Variants in CELF2 observed in about 807,000 individuals in gnomAD.
The protein encoded by CELF2 is CUG triplet repeat RNA-binding protein 2.
In CELF2, 8 loss-of-function variants were observed where a neutral mutation model predicts 62.6. The ratio of observed to expected loss-of-function variants is 0.13; its 90% confidence interval spans 0.07 to 0.23. CELF2 has a LOEUF of 0.23. CELF2 is among the 10% of genes least tolerant of loss of function. The probability of loss-of-function intolerance (pLI) is 1.00; values close to 1 mark genes in which losing one functional copy is unlikely to be tolerated. For missense variants in CELF2, 333 were observed against 671.0 expected (o/e 0.50, Z 5.56); for synonymous variants, 258 against 250.0 (o/e 1.03, Z -0.30).
At position 11,284,239 on chromosome 10, in the gene CELF2, AGGG is replaced by A. The variant is rs1565761162; in HGVS notation, c.842-4177_842-4175del. ...TGTGTGGTGGGTGGATGAGGGATGG[AGGG>A]GTGGGTGGATGATGGATGACTGTGT... On this transcript the variant is annotated intron_variant, in intron 8 of 12. Transcript: ENST00000633077. Among the ~76,000 whole-genome samples the A allele has an allele frequency of 6.4e-3, 23 of 3,598 alleles. 4 individuals carry two copies. Among genetic ancestry groups the A allele is most frequent in the Middle Eastern group, 0.17 (1 of 6 alleles). The allele number at this position is 3,598 out of a possible 152,430, so 2.4% of individuals were successfully genotyped here.
intron 3 of CELF2, among the ~76,000 whole-genome samples, chr10:11,222,404 A>G (rs978061845): frequency 1.3e-5 from 2 of 152,244 alleles, no homozygotes; most frequent in East Asian, 1.9e-4. Flanking sequence ...TCCCATTGGA[A>G]TCAAAGCCTA....
At position 11,129,900 on chromosome 10, in the gene CELF2, C is replaced by T. The variant is rs550324012; in HGVS notation, c.75-35586C>T. Among the ~76,000 whole-genome samples, 10 of 152,242 alleles carry T rather than the reference C, an allele frequency of 6.6e-5. 1 individual carries two copies. The South Asian group carries it at 2.1e-3, about 32-fold the overall frequency. On this transcript the variant is annotated intron_variant, in intron 1 of 12. Transcript: ENST00000633077. ...AGTTCTGCTCTGATCTTAGTTATTT[C>T]TTGCTTTCTGCCAGCTTTTAAATTT...
chr10:10,769,778 A>G, the CELF2 span, among the ~76,000 whole-genome samples: 2 of 151,714 alleles, frequency 1.3e-5, no homozygotes, highest in Non-Finnish European at 2.9e-5. Context: ...AAATAATAAT[A>G]ATAATAATAA....
the CELF2 span, among the ~76,000 whole-genome samples, chr10:10,476,741 G>T: frequency 6.6e-6 from 1 of 152,034 alleles, no homozygotes; most frequent in African/African-American, 2.4e-5. Context: ...GAGAACCTTT[G>T]CATATTCTTC....
In CELF2 at chr10:11,267,510, A is replaced by T. The variant is rs1590181948; in HGVS notation, c.618+833A>T. 1.3e-5 allele frequency among the ~76,000 whole-genome samples: 2 copies of T among 152,110 alleles called. No individual in the cohort carries two copies. Among genetic ancestry groups the T allele is most frequent in the Admixed American group, 6.5e-5 (1 of 15,272 alleles). ...GTGCATGTTCTGCTGTATTATGTAT[A>T]CTGTATCTTTGTGTATGGGTGATCT... On this transcript the variant is annotated intron_variant, in intron 6 of 12. Transcript: ENST00000633077. This position sits in a 1 kb window ranked among gnomAD's most constrained non-coding sequence, Gnocchi z 4.4.
rs1008417914 is a variant in CELF2 at position 11,077,027 on chromosome 10, G to C, written c.74+58864G>C. 3.3e-5 allele frequency among the ~76,000 whole-genome samples: 5 copies of C among 152,146 alleles called. 1 individual carries two copies. The highest frequency in any genetic ancestry group is 3.3e-4 in the Admixed American group (5 of 15,268). ...TGTCATTGACTCCTTAGTAACCTTA[G>C]GCAAGTCACTTTATTTTTCTGGGCT... On this transcript the variant is annotated intron_variant, in intron 1 of 12. Coordinates refer to ENST00000633077, the MANE Select transcript of CELF2 (RefSeq NM_001326342.2).
chr10:10,837,709 A>C (rs2058395443), intron 1 of CELF2, among the ~76,000 whole-genome samples: 1 of 152,150 alleles, frequency 6.6e-6, no homozygotes, highest in Admixed American at 6.5e-5. Flanking sequence ...AGTCATTTTC[A>C]AGGAAAACAG....
intron 1 of CELF2, among the ~76,000 whole-genome samples, chr10:11,127,474 C>G (rs964474871): frequency 6.6e-6 from 1 of 152,210 alleles, no homozygotes; most frequent in African/African-American, 2.4e-5. Context: ...ACCACACTGT[C>G]TTCCACAATG....
At chr10:10,712,057 A>T in the CELF2 span, among the ~76,000 whole-genome samples, 13 of 144,750 alleles carry the variant, frequency 9.0e-5, no homozygotes, top group African/African-American at 2.8e-4. Flanking sequence ...TTTGGGAGCC[A>T]CTTTTCCCTG....
chr10:10,613,186 G>T, the CELF2 span, among the ~76,000 whole-genome samples: 3 of 152,074 alleles, frequency 2.0e-5, no homozygotes, highest in African/African-American at 7.2e-5. Context: ...TGAAATAAAT[G>T]TCAAGTGGAA....
chr10:10,675,377 G>A, the CELF2 span, among the ~76,000 whole-genome samples: 1 of 151,952 alleles, frequency 6.6e-6, no homozygotes, highest in Middle Eastern at 3.2e-3. Context: ...TAGATAAGCG[G>A]GGGTTTTTTC....
At chr10:10,799,649 G>C (rs892298346) in intron 1 of CELF2, among the ~76,000 whole-genome samples, 2 of 131,146 alleles carry the variant, frequency 1.5e-5, no homozygotes, top group Non-Finnish European at 1.6e-5. Flanking sequence ...TGGGCAGAAT[G>C]TATGACATAA....
chr10:11,197,025 A>AAAAGAAAG (rs774383276), intron 2 of CELF2, among the ~76,000 whole-genome samples: 1,258 of 26,140 alleles, frequency 0.048, 381 homozygotes, highest in Non-Finnish European at 0.071. Context: ...AGAAAGAAAG[A>AAAAGAAAG]AAAGAAAGAA....
At chr10:10,824,635 T>A (rs2057239115) in intron 1 of CELF2, among the ~76,000 whole-genome samples, 1 of 152,210 alleles carries the variant, frequency 6.6e-6, no homozygotes, top group African/African-American at 2.4e-5. Flanking sequence ...TTGGTAAGAA[T>A]ACAAAGTGTA....
chr10:10,538,474 A>G, the CELF2 span, among the ~76,000 whole-genome samples: 85,703 of 151,818 alleles, frequency 0.56, 24,465 homozygotes, highest in East Asian at 0.74. Context: ...CTTGATCTCA[A>G]GTGTCTCTGG....
chr10:10,734,414 C>T, the CELF2 span, among the ~76,000 whole-genome samples: 2 of 152,322 alleles, frequency 1.3e-5, no homozygotes, highest in South Asian at 4.1e-4. Context: ...TGTCCATACA[C>T]ATCTGGTGCT....
intron 3 of CELF2, among the ~76,000 whole-genome samples, chr10:11,231,942 C>G (rs933084582): frequency 1.3e-5 from 2 of 151,606 alleles, no homozygotes; most frequent in African/African-American, 4.9e-5. Flanking sequence ...AAGAGAAAAT[C>G]AAATTTTACC....
intron 2 of CELF2, chr10:10,966,447 G>A (rs945769382): frequency 1.3e-5 from 2 of 152,300 alleles, no homozygotes; most frequent in African/African-American, 4.8e-5. Context: ...TCCAGGCATG[G>A]ACAGTCCTGC....
At chr10:10,485,755 T>C in the CELF2 span, among the ~76,000 whole-genome samples, 2 of 152,224 alleles carry the variant, frequency 1.3e-5, no homozygotes, top group African/African-American at 4.8e-5. Flanking sequence ...TGATTGTCAC[T>C]GGATTTAACT....
Sources: allele counts gnomAD v4.1 joint callset (sites outside exome capture counted in the v4.1 genomes callset), GRCh38; gene constraint gnomAD v4.1.1; non-coding constraint Gnocchi (gnomAD v3.1); transcripts MANE v1.5; gene names NCBI Gene and HGNC (gene_info 2026-07-23, HGNC 2026-07-21).